The following PPP2R2C variants were observed in gnomAD, a reference collection of about 807,000 sequenced individuals.
PPP2R2C encodes the protein protein phosphatase 2 regulatory subunit Bgamma.
PPP2R2C carries 10 observed loss-of-function variants against 45.3 expected under a neutral mutation model. That is an observed-to-expected ratio of 0.22 (90% CI 0.14 to 0.37). PPP2R2C has a LOEUF of 0.37. Ranked by LOEUF, PPP2R2C falls within the 10% of genes least tolerant of loss-of-function variation. The pLI, the probability that PPP2R2C is intolerant of heterozygous loss-of-function variation, is 1.00. For missense variants in PPP2R2C, 308 were observed against 619.7 expected (o/e 0.50, Z 5.34); for synonymous variants, 257 against 245.4 (o/e 1.05, Z -0.44).
intron 2 of PPP2R2C, among the ~76,000 whole-genome samples, chr4:6,483,784 G>A (rs1367276076): frequency 6.6e-6 from 1 of 151,924 alleles, no homozygotes; most frequent in Non-Finnish European, 1.5e-5. Flanking sequence ...ATTTTGATGA[G>A]GCCAAATTTA....
intron 5 of PPP2R2C, among the ~76,000 whole-genome samples, chr4:6,351,621 C>T (rs1485998923): frequency 6.6e-6 from 1 of 152,176 alleles, no homozygotes; most frequent in African/African-American, 2.4e-5. Flanking sequence ...GTGAAACAAC[C>T]ATGTGAGACA....
intron 1 of PPP2R2C, among the ~76,000 whole-genome samples, chr4:6,552,972 C>T (rs2108841245): frequency 6.6e-6 from 1 of 152,328 alleles, no homozygotes; most frequent in African/African-American, 2.4e-5. Flanking sequence ...AGGCAGAATT[C>T]ACCCCAGATA....
chr4:6,475,676 G>A (rs139088142), upstream of PPP2R2C, among the ~76,000 whole-genome samples: 271 of 152,270 alleles, frequency 1.8e-3, 1 homozygote, highest in African/African-American at 6.0e-3. Flanking sequence ...ACCACCTTTC[G>A]CTGCCACTTC....
intron 5 of PPP2R2C, among the ~76,000 whole-genome samples, chr4:6,351,682 C>T (rs1367186750): frequency 1.3e-5 from 2 of 152,182 alleles, no homozygotes; most frequent in African/African-American, 2.4e-5. Context: ...ATCACTGTCA[C>T]GGCCAATGCG....
chr4:6,557,841 C>A lies in PPP2R2C; in HGVS notation c.-59+5719G>T, dbSNP rs146530715. 3.5e-3 allele frequency among the ~76,000 whole-genome samples: 537 copies of A among 152,226 alleles called. 5 individuals carry two copies. Among genetic ancestry groups the A allele is most frequent in the African/African-American group, 0.012 (515 of 41,520 alleles). ...ATATTCCCCACCTGGGCACTGGAGACCCAGATGACATGGGCGGGCACAACG... is the reference window on the plus strand; with the variant it reads ...ATATTCCCCACCTGGGCACTGGAGAACCAGATGACATGGGCGGGCACAACG... On this transcript the variant is annotated intron_variant, in intron 1 of 9. Transcript: ENST00000506140.
At chr4:6,494,934 C>G (rs1240530030) in intron 2 of PPP2R2C, among the ~76,000 whole-genome samples, 1 of 152,252 alleles carries the variant, frequency 6.6e-6, no homozygotes, top group Non-Finnish European at 1.5e-5. Flanking sequence ...TGGTGGTGGC[C>G]TGGCCCAGGA....
At chr4:6,414,088 G>C (rs1718395996) in intron 1 of PPP2R2C, 2 of 1,136,520 alleles carry the variant, frequency 1.8e-6, no homozygotes, top group Admixed American at 2.9e-5. Flanking sequence ...GTGTGTGTGT[G>C]TGTGTGTGTG....
chr4:6,327,829 A>AGAGACCCCTGCGGGCTGGGG (rs1732082080), intron 8 of PPP2R2C, among the ~76,000 whole-genome samples: 1 of 152,128 alleles, frequency 6.6e-6, no homozygotes, highest in Admixed American at 6.5e-5. Context: ...GGCTCTGCTG[A>AGAGACCCCTGCGGGCTGGGG]GAGACCCCTG....
At chr4:6,515,836 C>G (rs1370877449) in intron 2 of PPP2R2C, among the ~76,000 whole-genome samples, 1 of 152,180 alleles carries the variant, frequency 6.6e-6, no homozygotes, top group Non-Finnish European at 1.5e-5. Context: ...CCGGCAGAGC[C>G]ACCAGGGATC....
chr4:6,553,753 C>CT (rs1421451710), intron 1 of PPP2R2C, among the ~76,000 whole-genome samples: 6 of 152,088 alleles, frequency 3.9e-5, no homozygotes, highest in African/African-American at 1.2e-4. Context: ...CTCAGTAGAC[C>CT]TTTTTTATCA....
At chr4:6,423,622 C>G (rs912412719) in intron 1 of PPP2R2C, among the ~76,000 whole-genome samples, 1 of 152,240 alleles carries the variant, frequency 6.6e-6, no homozygotes, top group African/African-American at 2.4e-5. Context: ...TAATCATTAA[C>G]TGTAATACAG....
chr4:6,391,187 G>A lies in PPP2R2C; in HGVS notation c.71-10093C>T, dbSNP rs541144029. Among the ~76,000 whole-genome samples, 11 of 152,240 alleles carry A rather than the reference G, an allele frequency of 7.2e-5. 1 individual carries two copies. The South Asian group carries it at 2.3e-3, about 32-fold the overall frequency. ...CCCAGGATCTGCCTGTCAGGGCTCT[G>A]CCGCCCTGGCCTCTGGCAGGAGCCT... is the stretch of plus-strand genomic sequence containing the variant. On this transcript the variant is annotated intron_variant, in intron 1 of 8. Coordinates refer to ENST00000382599, the MANE Select transcript of PPP2R2C (RefSeq NM_020416.4).
At chr4:6,518,225 T>TA (rs936848387) in intron 2 of PPP2R2C, among the ~76,000 whole-genome samples, 8 of 152,166 alleles carry the variant, frequency 5.3e-5, no homozygotes, top group Admixed American at 5.2e-4. Context: ...ATCAAGCACC[T>TA]AAGCTTCCAC....
At chr4:6,426,028 C>G (rs1719278841) in intron 1 of PPP2R2C, among the ~76,000 whole-genome samples, 1 of 152,110 alleles carries the variant, frequency 6.6e-6, no homozygotes, top group East Asian at 1.9e-4. Context: ...CTGCTTCCCT[C>G]ATGGCTCTGA....
At chr4:6,359,091 A>C (rs1713496786) in intron 5 of PPP2R2C, among the ~76,000 whole-genome samples, 1 of 152,248 alleles carries the variant, frequency 6.6e-6, no homozygotes, top group African/African-American at 2.4e-5. Context: ...ACTTGGAACC[A>C]ACCCAAATGT....
At chr4:6,443,858 GC>G (rs1720283135) in intron 1 of PPP2R2C, among the ~76,000 whole-genome samples, 1 of 151,770 alleles carries the variant, frequency 6.6e-6, no homozygotes, top group South Asian at 2.1e-4. Flanking sequence ...GGCTGTCTCA[GC>G]CCACACAGCC....
At chr4:6,413,323 G>A (rs1212772947) in intron 1 of PPP2R2C, among the ~76,000 whole-genome samples, 2 of 152,054 alleles carry the variant, frequency 1.3e-5, no homozygotes, top group Non-Finnish European at 1.5e-5. Flanking sequence ...ATATTCACAC[G>A]ATACACACTG....
At chr4:6,507,591 G>A (rs901083473) in intron 2 of PPP2R2C, among the ~76,000 whole-genome samples, 1 of 152,246 alleles carries the variant, frequency 6.6e-6, no homozygotes, top group African/African-American at 2.4e-5. Flanking sequence ...CCAGGCCCAG[G>A]TGAGCTTCCA....
At chr4:6,482,779 T>C (rs1392183328) in intron 2 of PPP2R2C, among the ~76,000 whole-genome samples, 1 of 152,206 alleles carries the variant, frequency 6.6e-6, no homozygotes, top group Non-Finnish European at 1.5e-5. Flanking sequence ...GCAGTGGTGG[T>C]AGGTTTCTTT....
Sources: gnomAD v4.1 joint callset for allele counts (sites outside exome capture counted in the v4.1 genomes callset) on GRCh38, gnomAD v4.1.1 for gene constraint, MANE v1.5 for transcripts, NCBI Gene and HGNC (gene_info 2026-07-23, HGNC 2026-07-21) for gene names.